Variants in HELQ observed in about 807,000 individuals in gnomAD.
HELQ encodes helicase, POLQ like, also known as helicase POLQ-like.
Under a neutral mutation model 111.6 loss-of-function variants are expected in HELQ, and 77 were observed. The observed-to-expected ratio is 0.69, with a 90% confidence interval of 0.57 to 0.83. The LOEUF (loss-of-function observed/expected upper bound fraction) is 0.83, where lower values mean the gene tolerates loss of function less well. HELQ is among the 40% of genes least tolerant of loss of function. HELQ has a pLI of 0.00. For synonymous variants in HELQ, 438 were observed against 454.7 expected, an observed-to-expected ratio of 0.96 and a Z score of 0.47; for missense variants, 1,200 against 1,288.5, an observed-to-expected ratio of 0.93 and a Z score of 1.05.
chr4:83,421,504 T>C (rs1739680442), intron 15 of HELQ, 59 bp downstream of exon 15: 1 of 1,302,888 alleles, frequency 7.7e-7, no homozygotes, highest in African/African-American at 1.5e-5. Flanking sequence ...CTTATTAGTT[T>C]AGTAACAGTT....
chr4:83,425,365 GA>G (rs568267935), intron 14 of HELQ, among the ~76,000 whole-genome samples: 3,654 of 142,824 alleles, frequency 0.026, 144 homozygotes, highest in African/African-American at 0.087. Flanking sequence ...AATTTAAAAT[GA>G]AAAAAAAAAG....
intron 11 of HELQ, 126 bp downstream of exon 11, chr4:83,431,538 G>T (rs748642347): frequency 5.6e-6 from 2 of 359,154 alleles, no homozygotes; most frequent in Non-Finnish European, 4.9e-6. Flanking sequence ...AAAATTAAAA[G>T]AAAAAATTAT....
In HELQ at chr4:83,427,551, T is replaced by C; in HGVS notation, c.2676+12A>G. 6.6e-7 allele frequency: 1 copy of C among 1,507,466 alleles called. No homozygotes were observed. The highest frequency in any genetic ancestry group is 2.5e-5 in the East Asian group (1 of 40,410). 93.4% of individuals were successfully genotyped at this position (1,507,466 alleles called of 1,614,324 possible). A position where few individuals can be genotyped will look rare whatever the true frequency, so the allele number is the denominator to read the frequency against. ...ACGAAGTAGCCTAAGTTGAAAAACG[T>C]TATATTCTCACCTGCCTGAAGTATA... On this transcript the variant is annotated intron_variant, in intron 13 of 17. Transcript: ENST00000295488.
rs775040500 is a variant in HELQ, at chr4:83,455,489, A to G, written c.205T>C (p.Ser69Pro). The G allele has an allele frequency of 1.2e-6, 2 of 1,614,104 alleles. No individual in the cohort carries two copies. The highest frequency in any genetic ancestry group is 2.2e-5 in the South Asian group (2 of 91,070). The change falls in exon 1 of 18, where the codon TCA (serine) becomes CCA (proline). Residue 69 changes from serine to proline, a missense_variant. Transcript: ENST00000295488. ...LPVEVQPLLLSDSPECLVLGG... is the reference protein window; with the variant it reads ...LPVEVQPLLLPDSPECLVLGG... ...AGGACGAGACATTCCGGGGAATCTG[A>G]GAGTAGAAGGGGCTGTACCTCAACC... is the stretch of plus-strand genomic sequence containing the variant.
intron 2 of HELQ, among the ~76,000 whole-genome samples, chr4:83,450,425 T>C (rs184741147): frequency 1.3e-5 from 2 of 151,684 alleles, no homozygotes; most frequent in Admixed American, 1.3e-4. Flanking sequence ...CTTATTGTGC[T>C]TTTGGGTGAT....
chr4:83,416,791 G>A lies in HELQ; in HGVS notation c.3138C>T (p.Leu1046=), dbSNP rs768787457. The change falls in exon 17 of 18, where the codon CTC becomes CTT. Residue 1046 remains leucine (L), a synonymous_variant. Coordinates refer to ENST00000295488, the MANE Select transcript of HELQ (RefSeq NM_133636.5). ...MHLANANPEV[L]VRTIDHLSRR... ...TTGATAAATGATCAATTGTCCTTACGAGCACTTCAGGATTTGCATTAGCTA... is the reference window on the plus strand; with the variant it reads ...TTGATAAATGATCAATTGTCCTTACAAGCACTTCAGGATTTGCATTAGCTA... The A allele has an allele frequency of 5.6e-6, 9 of 1,613,700 alleles. No homozygotes were observed. The highest frequency in any genetic ancestry group is 2.7e-5 in the African/African-American group (2 of 74,888).
intron 11 of HELQ, among the ~76,000 whole-genome samples, chr4:83,431,445 A>G (rs1446775799): frequency 6.6e-6 from 1 of 152,062 alleles, no homozygotes; most frequent in Non-Finnish European, 1.5e-5. Flanking sequence ...GGTGTGAGCT[A>G]CTGCACCTAA....
chr4:83,427,751 C>T, intron 12 of HELQ, 31 bp from the exon 13 acceptor site: 1 of 1,413,912 alleles, frequency 7.1e-7, no homozygotes, highest in South Asian at 1.6e-5. Context: ...TTCAATCTTT[C>T]ACAATTACCA....
At chr4:83,432,072 G>C in intron 10 of HELQ, 54 bp downstream of exon 10, 1 of 1,234,138 alleles carries the variant, frequency 8.1e-7, no homozygotes, top group African/African-American at 1.6e-5. Context: ...AAAAGGGCTA[G>C]ACCAACAACC....
chr4:83,455,581 T>C lies in HELQ; in HGVS notation c.113A>G (p.Asp38Gly), dbSNP rs759886679. 2 of 1,614,096 alleles carry C rather than the reference T, an allele frequency of 1.2e-6. No individual in the cohort carries two copies. Among genetic ancestry groups the C allele is most frequent in the African/African-American group, 1.3e-5 (1 of 75,016 alleles). ...CATTTCCTCCTCCTCTTTCCCCTCA[T>C]CTCCGGGCACGAGCTCGGCCGCGGT... ...APTAAELVPG[D>G]EGKEEEEMVA... Residue 38 changes from aspartate (D) to glycine (G), a missense_variant, in exon 1 of 18, where the codon GAT (aspartate) becomes GGT (glycine). Physicochemically the swap from Asp to Gly is moderately conservative, Grantham distance 94 (BLOSUM62 -1). Around this residue, in one of 3 missense-constraint regions of HELQ, gnomAD observed 610 missense variants for 607.1 expected, o/e 1.00. Coordinates refer to ENST00000295488, the MANE Select transcript of HELQ (RefSeq NM_133636.5).
intron 2 of HELQ, among the ~76,000 whole-genome samples, chr4:83,450,493 AAATTT>A (rs1578105251): frequency 6.6e-6 from 1 of 152,030 alleles, no homozygotes; most frequent in African/African-American, 2.4e-5. Flanking sequence ...AAAAATACTT[AAATTT>A]AATATTCAAT....
intron 14 of HELQ, among the ~76,000 whole-genome samples, chr4:83,423,904 G>A (rs953211465): frequency 2.0e-5 from 3 of 151,622 alleles, no homozygotes; most frequent in Non-Finnish European, 4.4e-5. Context: ...GGCGACAAGA[G>A]CGAGACTCTG....
chr4:83,422,496 A>G (rs1252538858), intron 14 of HELQ, among the ~76,000 whole-genome samples: 1 of 152,188 alleles, frequency 6.6e-6, no homozygotes, highest in Non-Finnish European at 1.5e-5. Flanking sequence ...AGGAGAAGAC[A>G]CAGAGAGACA....
At chr4:83,436,738 A>G in intron 9 of HELQ, 120 bp downstream of exon 9, 1 of 1,003,978 alleles carries the variant, frequency 1.0e-6, no homozygotes, top group South Asian at 1.8e-5. Flanking sequence ...AACTCAGCAT[A>G]TGCTAAAAGA....
chr4:83,454,220 C>A (rs1467526649), intron 1 of HELQ, among the ~76,000 whole-genome samples: 1 of 152,066 alleles, frequency 6.6e-6, no homozygotes, highest in East Asian at 1.9e-4. Context: ...CCAAAACAAA[C>A]AAACAAACAA....
chr4:83,441,787 TTTTG>T, intron 6 of HELQ, among the ~76,000 whole-genome samples: 1 of 150,668 alleles, frequency 6.6e-6, no homozygotes, highest in African/African-American at 2.4e-5. Context: ...TTTTTTTTTT[TTTTG>T]AGACAGGGTC....
intron 8 of HELQ, among the ~76,000 whole-genome samples, chr4:83,438,954 A>G (rs1191451258): frequency 2.0e-5 from 3 of 152,066 alleles, no homozygotes; most frequent in African/African-American, 7.2e-5. Context: ...TGTAGCCTGG[A>G]CTTTGGAATT....
intron 9 of HELQ, among the ~76,000 whole-genome samples, chr4:83,435,722 C>T (rs1459987083): frequency 6.6e-6 from 1 of 152,066 alleles, no homozygotes; most frequent in East Asian, 1.9e-4. Flanking sequence ...GTAATTGCAA[C>T]ATTCATGGGG....
At chr4:83,432,316 A>T (rs966500024) in intron 9 of HELQ, 49 bp from the exon 10 acceptor site, 23 of 1,363,558 alleles carry the variant, frequency 1.7e-5, no homozygotes, top group South Asian at 5.8e-5. Context: ...GCACCAATTT[A>T]AAAAATTCTT....
Sources: allele counts gnomAD v4.1 joint callset (sites outside exome capture counted in the v4.1 genomes callset), GRCh38; gene constraint gnomAD v4.1.1; regional missense constraint gnomAD v4.1.1; transcripts MANE v1.5; gene names NCBI Gene and HGNC (gene_info 2026-07-23, HGNC 2026-07-21).